WDFY4: variants seen among roughly 807,000 people sequenced by gnomAD.
WDFY4 encodes WD repeat- and FYVE domain-containing protein 4.
In WDFY4, 169 loss-of-function variants were observed where a neutral mutation model predicts 351.9. That is an observed-to-expected ratio of 0.48 (90% CI 0.42 to 0.55). The LOEUF is 0.55. Ranked by LOEUF, WDFY4 falls within the 20% of genes least tolerant of loss-of-function variation. The pLI is 0.00. For missense variants in WDFY4, 3,803 were observed against 3,935.6 expected (o/e 0.97, Z 0.90); for synonymous variants, 1,622 against 1,574.6 (o/e 1.03, Z -0.71).
At chr10:48,818,903 G>C (rs1429012875) in intron 32 of WDFY4, among the ~76,000 whole-genome samples, 1 of 152,232 alleles carries the variant, frequency 6.6e-6, no homozygotes, top group Admixed American at 6.5e-5. Flanking sequence ...GCCTGGCCAG[G>C]GAGAGATCAA....
chr10:48,782,176 T>G (rs2066248950), intron 19 of WDFY4, among the ~76,000 whole-genome samples: 1 of 152,196 alleles, frequency 6.6e-6, no homozygotes, highest in African/African-American at 2.4e-5. Flanking sequence ...TCCCTCACAT[T>G]AGTTGGGATG....
At position 48,970,179 on chromosome 10, in the gene WDFY4, G is replaced by A. The variant is rs745546797; in HGVS notation, c.8818G>A (p.Ala2940Thr). Residue 2940 changes from alanine (A) to threonine (T), a missense_variant, in exon 57 of 62, where the codon GCC becomes ACC. Coordinates refer to ENST00000325239, the MANE Select transcript of WDFY4 (RefSeq NM_001394531.1). ...NLAAWGRCLC[A>T]VCPSPTTIVT... ...GGCTGCCTGGGGCCGCTGTCTGTGC[G>A]CCGTGTGCCCATCCCCAACAACGAT... 8.5e-5 allele frequency: 132 copies of A among 1,551,688 alleles called. No homozygotes were observed. The highest frequency in any genetic ancestry group is 6.9e-4 in the Admixed American group (35 of 51,006).
chr10:48,760,908 G>T (rs1165137645), intron 13 of WDFY4, among the ~76,000 whole-genome samples: 1 of 152,180 alleles, frequency 6.6e-6, no homozygotes, highest in Non-Finnish European at 1.5e-5. Flanking sequence ...CTCTATGATG[G>T]GGATGAGGAG....
intron 31 of WDFY4, among the ~76,000 whole-genome samples, chr10:48,814,778 TA>T (rs2067565903): frequency 6.6e-6 from 1 of 152,142 alleles, no homozygotes; most frequent in African/African-American, 2.4e-5. Context: ...AAACAGAAAG[TA>T]AACAACACCC....
chr10:48,777,537 A>G, intron 17 of WDFY4, 42 bp downstream of exon 17: 1 of 1,511,604 alleles, frequency 6.6e-7, no homozygotes, highest in Non-Finnish European at 9.0e-7. Context: ...CATCCCTTCC[A>G]AAGTATGAGT....
chr10:48,771,450 G>A (rs2065862856), intron 13 of WDFY4, among the ~76,000 whole-genome samples: 1 of 152,148 alleles, frequency 6.6e-6, no homozygotes, highest in Admixed American at 6.5e-5. Flanking sequence ...TGATAATTGT[G>A]CCTCCCTCAC....
chr10:48,891,004 C>T (rs528038024), intron 44 of WDFY4, among the ~76,000 whole-genome samples: 73 of 152,334 alleles, frequency 4.8e-4, no homozygotes, highest in Non-Finnish European at 9.0e-4. Context: ...CAATTATTCG[C>T]ATGGCTGAAT....
rs963557407 is a variant in WDFY4, at chr10:48,744,367, G to T, written c.2459+819G>T. Among the ~76,000 whole-genome samples the T allele has an allele frequency of 3.3e-5, 5 of 152,314 alleles. No homozygotes were observed. The South Asian group carries it at 8.3e-4, about 25-fold the overall frequency. The stretch of plus-strand genomic sequence containing the variant: ...TCAGTGTTGGGGATGGTAGAGAGAA[G>T]GATGCATGTTAAATCTCCACACATT... On this transcript the variant is annotated intron_variant, in intron 12 of 61. Coordinates refer to ENST00000325239, the MANE Select transcript of WDFY4 (RefSeq NM_001394531.1).
intron 47 of WDFY4, among the ~76,000 whole-genome samples, chr10:48,925,195 T>A (rs891623329): frequency 2.1e-4 from 32 of 152,326 alleles, no homozygotes; most frequent in African/African-American, 7.2e-4. Context: ...TTACTGGGTG[T>A]GTAACAGGCC....
At chr10:48,730,285 C>T (rs995888317) in intron 8 of WDFY4, among the ~76,000 whole-genome samples, 8 of 152,230 alleles carry the variant, frequency 5.3e-5, no homozygotes, top group Admixed American at 2.0e-4. Flanking sequence ...GAAGTGAGAG[C>T]TTCTGCAGAA....
intron 19 of WDFY4, 135 bp downstream of exon 19, chr10:48,780,254 T>C: frequency 1.7e-6 from 2 of 1,166,506 alleles, no homozygotes; most frequent in Admixed American, 2.5e-5. Flanking sequence ...TGGCATCTAA[T>C]GAAATCTGCC....
chr10:48,833,298 C>T (rs1366935308), intron 39 of WDFY4, among the ~76,000 whole-genome samples: 1 of 151,930 alleles, frequency 6.6e-6, no homozygotes, highest in Non-Finnish European at 1.5e-5. Flanking sequence ...CGTTGGAAGG[C>T]TGAGTTACTC....
intron 1 of WDFY4, among the ~76,000 whole-genome samples, chr10:48,697,602 T>G (rs1259954924): frequency 1.3e-5 from 2 of 152,226 alleles, no homozygotes; most frequent in Admixed American, 6.5e-5. Flanking sequence ...CACATCTCGT[T>G]GGGTTATCTC....
At chr10:48,722,122 G>C (rs558338133) in intron 4 of WDFY4, among the ~76,000 whole-genome samples, 3 of 152,194 alleles carry the variant, frequency 2.0e-5, no homozygotes, top group Non-Finnish European at 4.4e-5. Flanking sequence ...ATTTGCAGCC[G>C]TGCTTGGAAG....
At chr10:48,913,734 C>A in intron 47 of WDFY4, 3 of 1,613,302 alleles carry the variant, frequency 1.9e-6, no homozygotes, top group Non-Finnish European at 2.5e-6. Context: ...CTTCAGGGCC[C>A]CCAGTGTGGT....
intron 32 of WDFY4, among the ~76,000 whole-genome samples, chr10:48,819,781 A>T (rs2067750351): frequency 6.6e-6 from 1 of 152,180 alleles, no homozygotes; most frequent in African/African-American, 2.4e-5. Flanking sequence ...CAGGAGGTAG[A>T]GGTGGGGTCC....
intron 3 of WDFY4, among the ~76,000 whole-genome samples, chr10:48,720,943 A>G (rs1453775196): frequency 6.6e-6 from 1 of 152,170 alleles, no homozygotes; most frequent in Non-Finnish European, 1.5e-5. Context: ...AGACTGTGTG[A>G]TCCAGGAAGT....
At chr10:48,761,337 C>T (rs1249617731) in intron 13 of WDFY4, among the ~76,000 whole-genome samples, 2 of 152,080 alleles carry the variant, frequency 1.3e-5, no homozygotes, top group South Asian at 2.1e-4. Flanking sequence ...TCAGATTTTG[C>T]GTGAAAAACA....
chr10:48,787,907 TTCTTCTTCTTCTTC>T (rs2066507363), intron 20 of WDFY4, among the ~76,000 whole-genome samples: 61 of 37,902 alleles, frequency 1.6e-3, no homozygotes, highest in Non-Finnish European at 1.9e-3. Context: ...CTTCTTCTTC[TTCTTCTTCTTCTTC>T]TTCTTCTTCT....
Sources: gnomAD v4.1 joint callset for allele counts (sites outside exome capture counted in the v4.1 genomes callset) on GRCh38, gnomAD v4.1.1 for gene constraint, MANE v1.5 for transcripts, NCBI Gene and HGNC (gene_info 2026-07-23, HGNC 2026-07-21) for gene names.